The following SMTN variants were observed in gnomAD, a reference collection of about 807,000 sequenced individuals.
SMTN encodes smoothelin.
Under a neutral mutation model 102.0 loss-of-function variants are expected in SMTN, and 58 were observed. That is an observed-to-expected ratio of 0.57 (90% CI 0.46 to 0.71). The LOEUF is 0.71. SMTN is among the 30% of genes least tolerant of loss of function. The pLI, the probability that SMTN is intolerant of heterozygous loss-of-function variation, is 0.00. For missense variants in SMTN, 1,185 were observed against 1,241.7 expected, an observed-to-expected ratio of 0.95 and a Z score of 0.69; for synonymous variants, 478 against 497.9, an observed-to-expected ratio of 0.96 and a Z score of 0.53.
upstream of SMTN, among the ~76,000 whole-genome samples, chr22:31,078,097 T>C (rs1602575130): frequency 6.6e-6 from 1 of 152,190 alleles, no homozygotes; most frequent in East Asian, 1.9e-4. Context: ...AGTGCTGTCC[T>C]GGGGAGAGAG....
chr22:31,077,240 C>T (rs2147507566), upstream of SMTN, among the ~76,000 whole-genome samples: 1 of 152,148 alleles, frequency 6.6e-6, no homozygotes, highest in South Asian at 2.1e-4. Context: ...AGACCCTTGT[C>T]TCTACAAAAA....
rs745872542 is a variant in SMTN at position 31,090,157 on chromosome 22, G to T, written c.842G>T (p.Gly281Val). ...CCTGCTGCCCAGAGCCCCACCAGAGGCCCCTCTGACACCAAGAGAGCAGGT... is the reference window on the plus strand; with the variant it reads ...CCTGCTGCCCAGAGCCCCACCAGAGTCCCCTCTGACACCAAGAGAGCAGGT... ...ETPAAQSPTR[G>V]PSDTKRADVA... Residue 281 changes from glycine to valine, a missense_variant, in exon 8 of 21, where the codon GGC (glycine) becomes GTC (valine). Gly to Val is a moderately radical substitution (Grantham distance 109, BLOSUM62 -3). Coordinates refer to ENST00000333137, the MANE Select transcript of SMTN (RefSeq NM_134269.3). 8.1e-6 allele frequency: 13 copies of T among 1,611,608 alleles called. No homozygotes were observed. The highest frequency in any genetic ancestry group is 2.2e-5 in the South Asian group (2 of 90,868).
upstream of SMTN, among the ~76,000 whole-genome samples, chr22:31,078,731 T>C (rs186119307): frequency 1.8e-4 from 28 of 152,290 alleles, no homozygotes; most frequent in African/African-American, 5.8e-4. Context: ...TTTTAAAAAT[T>C]AGCTGGGCGT....
chr22:31,069,560 G>A (rs1343519411), intron 1 of SMTN, among the ~76,000 whole-genome samples: 1 of 152,218 alleles, frequency 6.6e-6, no homozygotes, highest in Non-Finnish European at 1.5e-5. Context: ...GCCTGGGTGC[G>A]GTGGGGCTTG....
At position 31,095,777 on chromosome 22, in the gene SMTN, C is replaced by T; in HGVS notation, c.1861+168C>T. The T allele has an allele frequency of 8.0e-6, 5 of 623,162 alleles. No individual in the cohort carries two copies. In the East Asian group the frequency reaches 1.4e-4, roughly 17 times the overall value. 38.6% of individuals were successfully genotyped at this position (623,162 alleles called of 1,614,324 possible). On this transcript the variant is annotated intron_variant, in intron 13 of 20. Coordinates refer to ENST00000333137, the MANE Select transcript of SMTN (RefSeq NM_134269.3). The surrounding 1 kb of genome is among the most constrained non-coding windows in gnomAD (Gnocchi z 4.1). Reference sequence around the variant, plus strand: ...GGCTATTCCCTGCTGGATCCAGCTGCTCCTTCCCTAGCTCCTTCTCTCCCG... The same window carrying T: ...GGCTATTCCCTGCTGGATCCAGCTGTTCCTTCCCTAGCTCCTTCTCTCCCG...
intron 20 of SMTN, chr22:31,103,961 A>G: frequency 3.6e-6 from 1 of 274,006 alleles, no homozygotes; most frequent in South Asian, 7.3e-5. Context: ...TACCAACTGG[A>G]GTGTGCCAGT....
chr22:31,065,056 T>C (rs1227181713), intron 1 of SMTN: 1 of 152,184 alleles, frequency 6.6e-6, no homozygotes, highest in Non-Finnish European at 1.5e-5. Flanking sequence ...TTATAGAATA[T>C]CCCTCAATTT....
chr22:31,092,817 G>A (rs1170523620), intron 11 of SMTN, among the ~76,000 whole-genome samples: 2 of 152,216 alleles, frequency 1.3e-5, no homozygotes, highest in Non-Finnish European at 2.9e-5. Context: ...AAGGGGACAG[G>A]TGATGTACCC....
chr22:31,087,741 G>T, intron 2 of SMTN: 1 of 444,540 alleles, frequency 2.2e-6, no homozygotes, highest in South Asian at 5.4e-5. Context: ...ACTCACAGTT[G>T]TGTGCTCTGT....
At chr22:31,069,711 CCTAA>C (rs1478938644) in intron 1 of SMTN, among the ~76,000 whole-genome samples, 4 of 152,200 alleles carry the variant, frequency 2.6e-5, no homozygotes, top group Non-Finnish European at 5.9e-5. Context: ...AGATTGAGCA[CCTAA>C]CTGTGTGCAT....
intron 1 of SMTN, among the ~76,000 whole-genome samples, chr22:31,069,651 G>C (rs1294639811): frequency 6.6e-6 from 1 of 152,192 alleles, no homozygotes; most frequent in Non-Finnish European, 1.5e-5. Context: ...GGACACCCAT[G>C]CCCTGGCAGA....
At chr22:31,091,504 C>G in intron 10 of SMTN, 22 bp downstream of exon 10, 1 of 1,518,026 alleles carries the variant, frequency 6.6e-7, no homozygotes, top group African/African-American at 1.4e-5. Flanking sequence ...CCACTGCCTC[C>G]CCAATGGGGA....
intron 16 of SMTN, 128 bp from the exon 17 acceptor site, chr22:31,098,539 C>G: frequency 2.4e-6 from 2 of 848,134 alleles, no homozygotes; most frequent in Admixed American, 5.4e-5. Context: ...GCCTCCCTCC[C>G]TGGCAGGCGT....
chr22:31,097,480 G>A (rs923141285), intron 16 of SMTN, 142 bp downstream of exon 16: 4 of 690,618 alleles, frequency 5.8e-6, no homozygotes, highest in Non-Finnish European at 1.0e-5. Flanking sequence ...GAGGTGGGCG[G>A]ATCACTTGAG....
chr22:31,083,461 G>A, intron 2 of SMTN, 152 bp downstream of exon 2: 2 of 946,958 alleles, frequency 2.1e-6, no homozygotes, highest in Non-Finnish European at 1.5e-6. Flanking sequence ...GTTCCATGTG[G>A]CTGATGCAGA....
upstream of SMTN, chr22:31,080,321 C>T (rs1041539885): frequency 2.0e-5 from 3 of 152,234 alleles, no homozygotes; most frequent in African/African-American, 7.2e-5. Context: ...AGCTTTACTA[C>T]TTATCAGCTG....
chr22:31,097,437 C>A, intron 16 of SMTN, 99 bp downstream of exon 16: 2 of 1,106,978 alleles, frequency 1.8e-6, no homozygotes, highest in Non-Finnish European at 2.8e-6. Context: ...GGCACAGTGG[C>A]TCTTGCCTGT....
intron 11 of SMTN, chr22:31,093,243 C>A (rs578059842): frequency 2.0e-4 from 53 of 265,642 alleles, no homozygotes; most frequent in Non-Finnish European, 3.0e-4. Flanking sequence ...TCCCCCACTG[C>A]CCCTTCCACG....
chr22:31,087,855 C>A, intron 2 of SMTN, 110 bp from the exon 3 acceptor site: 1 of 1,219,850 alleles, frequency 8.2e-7, no homozygotes, highest in Non-Finnish European at 1.1e-6. Flanking sequence ...GCTTGGGACA[C>A]AGGGAGTGGA....
Sources: gnomAD v4.1 joint callset for allele counts (sites outside exome capture counted in the v4.1 genomes callset) on GRCh38, gnomAD v4.1.1 for gene constraint, Gnocchi (gnomAD v3.1) non-coding constraint, MANE v1.5 for transcripts, NCBI Gene and HGNC (gene_info 2026-07-23, HGNC 2026-07-21) for gene names.